Variants in MAP3K3 observed in about 807,000 individuals in gnomAD.
MAP3K3 encodes the protein mitogen-activated protein kinase kinase kinase 3, also known as MAP/ERK kinase kinase 3.
Under a neutral mutation model 80.9 loss-of-function variants are expected in MAP3K3, and 12 were observed. The ratio of observed to expected loss-of-function variants is 0.15; its 90% confidence interval spans 0.10 to 0.24. The LOEUF is 0.24. MAP3K3 is among the 10% of genes least tolerant of loss of function. The probability of loss-of-function intolerance (pLI) is 1.00; values close to 1 mark genes in which losing one functional copy is unlikely to be tolerated. For missense variants in MAP3K3, 596 were observed against 834.7 expected (o/e 0.71, Z 3.52); for synonymous variants, 272 against 307.1 (o/e 0.89, Z 1.19).
intron 3 of MAP3K3, among the ~76,000 whole-genome samples, chr17:63,650,844 A>G (rs540574566): frequency 6.6e-6 from 1 of 152,084 alleles, no homozygotes; most frequent in South Asian, 2.1e-4. Context: ...AGCATGTACT[A>G]TCACACCTGG....
At chr17:63,648,640 C>A (rs935010748) in intron 3 of MAP3K3, among the ~76,000 whole-genome samples, 2 of 152,002 alleles carry the variant, frequency 1.3e-5, no homozygotes, top group South Asian at 4.2e-4. Context: ...TATGGTGAAA[C>A]CCCGTCTCTA....
Position 63,691,795 on chromosome 17 carries a change from C to T in MAP3K3, c.1407C>T (p.Tyr469=). 1 of 1,614,094 alleles carries T rather than the reference C, an allele frequency of 6.2e-7. No individual in the cohort carries two copies. The highest frequency in any genetic ancestry group is 1.1e-5 in the South Asian group (1 of 91,080). ...TGACAGAGAGCGTGACCCGAAAGTA[C>T]ACGCGGCAGATCCTGGAGGGCATGT... is the stretch of plus-strand genomic sequence containing the variant. ...GALTESVTRK[Y]TRQILEGMSY... The change falls in exon 14 of 16, where the codon TAC becomes TAT. Residue 469 remains tyrosine (Y), a synonymous_variant. Coordinates refer to ENST00000361733, the MANE Select transcript of MAP3K3 (RefSeq NM_002401.5). This position sits in a 1 kb window ranked among gnomAD's most constrained non-coding sequence, Gnocchi z 4.8.
intron 2 of MAP3K3, among the ~76,000 whole-genome samples, chr17:63,635,687 C>T (rs1598064601): frequency 1.3e-5 from 2 of 152,218 alleles, no homozygotes; most frequent in South Asian, 2.1e-4. Flanking sequence ...CATTTAACAT[C>T]GGATTTTATA....
intron 9 of MAP3K3, 87 bp downstream of exon 9, chr17:63,688,681 C>A: frequency 6.9e-7 from 1 of 1,444,838 alleles, no homozygotes; most frequent in Non-Finnish European, 9.7e-7. Context: ...GAGTCAGTAG[C>A]TCTCCTTGGG....
At chr17:63,675,977 C>T (rs1002399476) in intron 6 of MAP3K3, among the ~76,000 whole-genome samples, 3 of 152,234 alleles carry the variant, frequency 2.0e-5, no homozygotes, top group Non-Finnish European at 2.9e-5. Context: ...TTGTGTATCT[C>T]ATTGGCTCCC....
At chr17:63,665,326 C>T (rs972028868) in intron 5 of MAP3K3, among the ~76,000 whole-genome samples, 1 of 151,838 alleles carries the variant, frequency 6.6e-6, no homozygotes, top group Non-Finnish European at 1.5e-5. Context: ...CCACCACGCC[C>T]AGCTAATTTT....
chr17:63,634,584 G>A (rs1447880427), intron 2 of MAP3K3: 6 of 770,126 alleles, frequency 7.8e-6, no homozygotes, highest in African/African-American at 1.7e-5. Context: ...AAAAAGGATT[G>A]ACTGTTAGGA....
intron 8 of MAP3K3, 170 bp from the exon 9 acceptor site, chr17:63,688,357 A>AG (rs990989223): frequency 3.1e-5 from 20 of 644,302 alleles, no homozygotes; most frequent in Non-Finnish European, 5.6e-5. Context: ...AGACTAGTGA[A>AG]GGGAGGGTGG....
At chr17:63,632,288 T>TG (rs1383484354) in intron 1 of MAP3K3, among the ~76,000 whole-genome samples, 1 of 152,064 alleles carries the variant, frequency 6.6e-6, no homozygotes, top group Non-Finnish European at 1.5e-5. Context: ...GTCCAGGAGT[T>TG]GGAGACCAGC....
chr17:63,669,594 A>G (rs550165530), intron 6 of MAP3K3, among the ~76,000 whole-genome samples: 1 of 151,714 alleles, frequency 6.6e-6, no homozygotes, highest in East Asian at 1.9e-4. Context: ...TCAGCCTGTT[A>G]CAGGTGCACA....
At position 63,643,218 on chromosome 17, in the gene MAP3K3, A is replaced by G. The variant is rs150387660; in HGVS notation, c.127-2816A>G. Among the ~76,000 whole-genome samples, 34 of 152,246 alleles carry G rather than the reference A, an allele frequency of 2.2e-4. 1 individual carries two copies. The highest frequency in any genetic ancestry group is 3.7e-4 in the Non-Finnish European group (25 of 68,014). On this transcript the variant is annotated intron_variant, in intron 2 of 15. Transcript: ENST00000361733. ...TAATGTAAGATATTAATAATAGGGGAAACTGGCTGGGTGTGGTGGCTCATG... is the reference window on the plus strand; with the variant it reads ...TAATGTAAGATATTAATAATAGGGGGAACTGGCTGGGTGTGGTGGCTCATG...
At chr17:63,659,489 T>C (rs947253995) in intron 5 of MAP3K3, among the ~76,000 whole-genome samples, 5 of 151,414 alleles carry the variant, frequency 3.3e-5, no homozygotes, top group Admixed American at 6.6e-5. Flanking sequence ...TGATGAAATA[T>C]CAGTTTTGTT....
intron 2 of MAP3K3, among the ~76,000 whole-genome samples, chr17:63,636,284 C>T (rs1371237485): frequency 6.6e-6 from 1 of 152,162 alleles, no homozygotes; most frequent in Non-Finnish European, 1.5e-5. Flanking sequence ...GGGCAGTGAG[C>T]TATTAACAAT....
chr17:63,652,516 A>G (rs778704633), intron 3 of MAP3K3, 41 bp from the exon 4 acceptor site: 1 of 1,292,588 alleles, frequency 7.7e-7, no homozygotes, highest in Non-Finnish European at 1.1e-6. Context: ...CCTACGTTTT[A>G]AGTATACAAT....
chr17:63,652,372 G>A (rs1047574863), intron 3 of MAP3K3, among the ~76,000 whole-genome samples, 185 bp from the exon 4 acceptor site: 2 of 152,092 alleles, frequency 1.3e-5, no homozygotes, highest in Non-Finnish European at 2.9e-5. Context: ...CCTGATAGAT[G>A]CTCAGAGGGT....
chr17:63,690,082 G>A, intron 11 of MAP3K3, 182 bp from the exon 12 acceptor site: 1 of 666,326 alleles, frequency 1.5e-6, no homozygotes, highest in Non-Finnish European at 2.5e-6. Flanking sequence ...TTAGGACTCT[G>A]ACTTCAGGTC....
chr17:63,636,335 T>C (rs1247063219), intron 2 of MAP3K3, among the ~76,000 whole-genome samples: 2 of 152,096 alleles, frequency 1.3e-5, no homozygotes, highest in African/African-American at 2.4e-5. Flanking sequence ...ATTCTAGGAG[T>C]ACAGAGAATA....
At chr17:63,643,928 A>G (rs1413385123) in intron 2 of MAP3K3, among the ~76,000 whole-genome samples, 1 of 152,200 alleles carries the variant, frequency 6.6e-6, no homozygotes, top group Non-Finnish European at 1.5e-5. Context: ...GTAGCATAGC[A>G]TGGTAGTTAA....
chr17:63,662,377 T>G (rs1471645268), intron 5 of MAP3K3, among the ~76,000 whole-genome samples: 1 of 151,792 alleles, frequency 6.6e-6, no homozygotes, highest in Non-Finnish European at 1.5e-5. Context: ...ATTGCAACAC[T>G]GCACTCCAGC....
Sources: allele counts gnomAD v4.1 joint callset (sites outside exome capture counted in the v4.1 genomes callset), GRCh38; gene constraint gnomAD v4.1.1; non-coding constraint Gnocchi (gnomAD v3.1); transcripts MANE v1.5; gene names NCBI Gene and HGNC (gene_info 2026-07-23, HGNC 2026-07-21).